PABPC1: variants seen among roughly 807,000 people sequenced by gnomAD.
PABPC1 encodes polyadenylate-binding protein 1.
PABPC1 carries 4 observed loss-of-function variants against 74.0 expected under a neutral mutation model. The ratio of observed to expected loss-of-function variants is 0.05; its 90% CI spans 0.03 to 0.12. The LOEUF is 0.12. Ranked by LOEUF, PABPC1 falls within the 10% of genes least tolerant of loss-of-function variation. PABPC1 has a pLI of 1.00. For synonymous variants in PABPC1, 227 were observed against 264.1 expected (o/e 0.86, Z 1.36); for missense variants, 271 against 821.1 (o/e 0.33, Z 8.19).
chr8:100,718,521 T>C (rs1810729932), intron 1 of PABPC1, among the ~76,000 whole-genome samples: 1 of 152,182 alleles, frequency 6.6e-6, no homozygotes, highest in Non-Finnish European at 1.5e-5. Flanking sequence ...AAGAATTCCA[T>C]ATTGCTAATA....
In PABPC1 at chr8:100,712,806, A is replaced by AAT. The variant is rs753248274; in HGVS notation, c.739-18_739-17insAT. 4 of 1,473,274 alleles carry AAT rather than the reference A, an allele frequency of 2.7e-6. No homozygotes were observed. Among genetic ancestry groups the AAT allele is most frequent in the Non-Finnish European group, 3.6e-6 (4 of 1,122,848 alleles). The allele number at this position is 1,473,274 out of a possible 1,614,324, so 91.3% of individuals were successfully genotyped here. ...ATCCACAGCCTTCCCCCCAAAAAAA[A>AAT]AGAAAAAAAAAAAATCACAAAACTT... is the stretch of plus-strand genomic sequence containing the variant. On this transcript the variant is annotated splice_polypyrimidine_tract_variant and intron_variant, in intron 5 of 14. Transcript: ENST00000318607.
At chr8:100,713,444 C>T (rs992446364) in intron 4 of PABPC1, among the ~76,000 whole-genome samples, 3 of 152,156 alleles carry the variant, frequency 2.0e-5, no homozygotes, top group African/African-American at 7.2e-5. Context: ...AAGTTTTATT[C>T]TCAGCTCTAG....
Position 100,709,736 on chromosome 8 carries a change from TA to T in PABPC1, c.973-6del, listed in dbSNP as rs1554595534. The T allele has an allele frequency of 2.1e-6, 3 of 1,421,454 alleles. No homozygotes were observed. The highest frequency in any genetic ancestry group is 2.5e-5 in the Admixed American group (1 of 40,142). The allele number at this position is 1,421,454 out of a possible 1,614,324, so 88.1% of individuals were successfully genotyped here. A position where few individuals can be genotyped will look rare whatever the true frequency, so the allele number is the denominator to read the frequency against. ...GCGACCACCCTCCATCATAACCTAT[TA>T]AAAAAAAGAAAAAAAAAGTTAACGT... is the stretch of plus-strand genomic sequence containing the variant. On this transcript the variant is annotated splice_polypyrimidine_tract_variant and splice_region_variant and intron_variant, in intron 7 of 14. Coordinates refer to ENST00000318607, the MANE Select transcript of PABPC1 (RefSeq NM_002568.4).
At chr8:100,713,897 T>C (rs536846567) in intron 4 of PABPC1, among the ~76,000 whole-genome samples, 10 of 149,658 alleles carry the variant, frequency 6.7e-5, no homozygotes, top group African/African-American at 2.5e-4. Context: ...TGGTAAGACA[T>C]AGGTAATACA....
rs545734286 is a variant in PABPC1, at chr8:100,718,070, G to T, written c.387+17C>A. On this transcript the variant is annotated intron_variant, in intron 2 of 14. Transcript: ENST00000318607. ...GCTCAACAATGTAAACATGTGTATCGGACATTTTTGGCTTACCTTACATGA... is the reference window on the plus strand; with the variant it reads ...GCTCAACAATGTAAACATGTGTATCTGACATTTTTGGCTTACCTTACATGA... 2.7e-5 allele frequency: 42 copies of T among 1,580,514 alleles called. 2 individuals carry two copies. The South Asian group carries it at 4.1e-4, about 15-fold the overall frequency.
chr8:100,717,622 T>C, intron 3 of PABPC1, 151 bp downstream of exon 3: 5 of 598,488 alleles, frequency 8.4e-6, no homozygotes, highest in East Asian at 2.8e-5. Flanking sequence ...TACAACTACA[T>C]GAATTTTTGT....
At chr8:100,717,139 T>C (rs879506156) in intron 3 of PABPC1, among the ~76,000 whole-genome samples, 33 of 152,098 alleles carry the variant, frequency 2.2e-4, no homozygotes, top group Non-Finnish European at 4.4e-4. Context: ...GCCTCCCGAG[T>C]AGCTAGGATT....
At chr8:100,709,375 A>G (rs1810469828) in intron 8 of PABPC1, 84 bp downstream of exon 8, 2 of 1,538,684 alleles carry the variant, frequency 1.3e-6, no homozygotes, top group Non-Finnish European at 9.0e-7. Context: ...AATGTTTCAC[A>G]TTTGCGGGGC....
intron 6 of PABPC1, 31 bp downstream of exon 6, chr8:100,712,621 T>C (rs372700409): frequency 1.7e-5 from 27 of 1,592,938 alleles, no homozygotes; most frequent in Middle Eastern, 3.3e-4. Context: ...CTCATCCCTG[T>C]CTTATTTTGG....
At chr8:100,708,201 C>A (rs1810432302) in intron 9 of PABPC1, among the ~76,000 whole-genome samples, 1 of 152,186 alleles carries the variant, frequency 6.6e-6, no homozygotes, top group Admixed American at 6.5e-5. Context: ...GGGTGGTTTG[C>A]CGCCCACACT....
At chr8:100,717,911 T>A (rs1554596751) in intron 2 of PABPC1, 23 bp from the exon 3 acceptor site, 1 of 1,444,522 alleles carries the variant, frequency 6.9e-7, no homozygotes, top group Non-Finnish European at 9.6e-7. Flanking sequence ...ATATACCCAT[T>A]TTTCTTTATT....
chr8:100,707,205 T>A (rs1400264914), intron 9 of PABPC1: 4 of 452,096 alleles, frequency 8.8e-6, no homozygotes, highest in Non-Finnish European at 1.6e-5. Flanking sequence ...TACTTATATG[T>A]AGCGACCAGC....
Position 100,707,084 on chromosome 8 carries a change from G to A in PABPC1, c.1337-87C>T, listed in dbSNP as rs1442546801. The stretch of plus-strand genomic sequence containing the variant: ...TGCTGTCTTCTTCGATCTGAGGTTT[G>A]CATAAAAGACTAAAAAGTGACAAAA... On this transcript the variant is annotated intron_variant, in intron 9 of 14. Coordinates refer to ENST00000318607, the MANE Select transcript of PABPC1 (RefSeq NM_002568.4). 24 of 966,354 alleles carry A rather than the reference G, an allele frequency of 2.5e-5. No homozygotes were observed. In the South Asian group the frequency reaches 3.6e-4, roughly 14 times the overall value. 59.9% of individuals were successfully genotyped at this position (966,354 alleles called of 1,614,324 possible).
intron 12 of PABPC1, among the ~76,000 whole-genome samples, chr8:100,705,263 T>C (rs1384537567): frequency 6.6e-6 from 1 of 152,248 alleles, no homozygotes; most frequent in Non-Finnish European, 1.5e-5. Flanking sequence ...AGCTTGCCAA[T>C]TAAGCAATGT....
At chr8:100,711,351 G>A (rs1385620261) in intron 7 of PABPC1, among the ~76,000 whole-genome samples, 1 of 152,032 alleles carries the variant, frequency 6.6e-6, no homozygotes, top group Non-Finnish European at 1.5e-5. Context: ...TTCTTGGGCC[G>A]CATGTGGCCT....
intron 12 of PABPC1, 36 bp from the exon 13 acceptor site, chr8:100,705,092 A>T: frequency 6.3e-7 from 1 of 1,592,590 alleles, no homozygotes; most frequent in African/African-American, 1.4e-5. Context: ...CCCTTCAATA[A>T]AAAAAAGTTT....
At chr8:100,710,644 A>C (rs985743498) in intron 7 of PABPC1, among the ~76,000 whole-genome samples, 3 of 152,256 alleles carry the variant, frequency 2.0e-5, no homozygotes, top group Non-Finnish European at 4.4e-5. Flanking sequence ...ACACACACAC[A>C]AAGTGAGGTC....
chr8:100,715,651 C>A (rs1587163350), intron 3 of PABPC1, 50 bp from the exon 4 acceptor site: 2 of 1,380,318 alleles, frequency 1.4e-6, no homozygotes, highest in East Asian at 2.3e-5. Flanking sequence ...TTATAAAGTT[C>A]AGATTAAGTA....
At chr8:100,705,272 G>C (rs1810350954) in intron 12 of PABPC1, among the ~76,000 whole-genome samples, 2 of 152,228 alleles carry the variant, frequency 1.3e-5, no homozygotes, top group Admixed American at 1.3e-4. Context: ...ATTAAGCAAT[G>C]TTACCATTAG....
Sources: gnomAD v4.1 joint callset for allele counts (sites outside exome capture counted in the v4.1 genomes callset) on GRCh38, gnomAD v4.1.1 for gene constraint, MANE v1.5 for transcripts, NCBI Gene and HGNC (gene_info 2026-07-23, HGNC 2026-07-21) for gene names.